Variants in PTPRD observed in about 807,000 individuals in gnomAD.
PTPRD encodes the protein receptor-type tyrosine-protein phosphatase delta.
Under a neutral mutation model 214.5 loss-of-function variants are expected in PTPRD, and 34 were observed. The ratio of observed to expected loss-of-function variants is 0.16; its 90% CI spans 0.12 to 0.21. The LOEUF (loss-of-function observed/expected upper bound fraction) is 0.21. PTPRD is among the 10% of genes least tolerant of loss of function. The pLI is 1.00. For synonymous variants in PTPRD, 1,128 were observed against 845.7 expected, an observed-to-expected ratio of 1.33 and a Z score of -5.79; for missense variants, 2,545 against 2,398.7, an observed-to-expected ratio of 1.06 and a Z score of -1.27.
chr9:8,520,142 GCTCA>G (rs1298118298), intron 20 of PTPRD, among the ~76,000 whole-genome samples: 1 of 152,090 alleles, frequency 6.6e-6, no homozygotes, highest in Non-Finnish European at 1.5e-5. Flanking sequence ...TTAAAGCTGT[GCTCA>G]CTGATATTTA....
At chr9:8,564,156 C>T (rs1356175723) in intron 14 of PTPRD, among the ~76,000 whole-genome samples, 1 of 1,144 alleles carries the variant, frequency 8.7e-4, no homozygotes, top group Non-Finnish European at 1.1e-3. Flanking sequence ...GCAACCAATA[C>T]ACTATATGTA....
chr9:9,286,613 C>T (rs932062740), intron 9 of PTPRD, among the ~76,000 whole-genome samples: 13 of 151,560 alleles, frequency 8.6e-5, no homozygotes, highest in African/African-American at 3.1e-4. Flanking sequence ...ATAAAACATG[C>T]TCTATAGAAC....
chr9:9,778,491 G>A (rs1167268139), intron 5 of PTPRD, among the ~76,000 whole-genome samples: 6 of 152,118 alleles, frequency 3.9e-5, no homozygotes, highest in East Asian at 1.9e-4. Context: ...CCCGATTCCC[G>A]GAGGCATTGT....
chr9:8,783,673 C>T (rs1197430009), intron 11 of PTPRD, among the ~76,000 whole-genome samples: 1 of 152,260 alleles, frequency 6.6e-6, no homozygotes, highest in East Asian at 1.9e-4. Context: ...GTGGCCACTG[C>T]TTTGGTTTCC....
At chr9:10,525,828 A>C (rs2054111035) in intron 2 of PTPRD, among the ~76,000 whole-genome samples, 1 of 151,542 alleles carries the variant, frequency 6.6e-6, no homozygotes, top group Admixed American at 6.6e-5. Flanking sequence ...CTCGCTTTCC[A>C]CTTTGTTTTT....
intron 9 of PTPRD, among the ~76,000 whole-genome samples, chr9:9,225,556 T>C (rs918839325): frequency 1.3e-5 from 2 of 152,066 alleles, no homozygotes; most frequent in Non-Finnish European, 2.9e-5. Flanking sequence ...CATCACCCAA[T>C]GCTATCAGTG....
At chr9:8,544,889 C>CTTTT (rs869280997) in intron 14 of PTPRD, among the ~76,000 whole-genome samples, 250 of 118,686 alleles carry the variant, frequency 2.1e-3, no homozygotes, top group Non-Finnish European at 3.5e-3. Context: ...AAAGACAGTC[C>CTTTT]TTTTTTTTTT....
intron 7 of PTPRD, among the ~76,000 whole-genome samples, chr9:9,593,136 GA>G (rs2092919496): frequency 7.7e-6 from 1 of 129,908 alleles, no homozygotes; most frequent in African/African-American, 3.1e-5. Flanking sequence ...GAAAGGAAAG[GA>G]AAGGGAAAGA....
intron 11 of PTPRD, among the ~76,000 whole-genome samples, chr9:8,774,718 G>C (rs148159129): frequency 1.3e-5 from 2 of 151,818 alleles, no homozygotes; most frequent in Non-Finnish European, 2.9e-5. Context: ...ATTTTTAGTA[G>C]AGACGGGGTT....
chr9:8,800,551 A>G (rs774377485), intron 11 of PTPRD, among the ~76,000 whole-genome samples: 1 of 152,156 alleles, frequency 6.6e-6, no homozygotes, highest in Non-Finnish European at 1.5e-5. Flanking sequence ...CACCAACACT[A>G]TGACAGTTTA....
intron 35 of PTPRD, among the ~76,000 whole-genome samples, chr9:8,414,833 T>A (rs1050365179): frequency 6.8e-6 from 1 of 148,016 alleles, no homozygotes; most frequent in Non-Finnish European, 1.5e-5. Flanking sequence ...CAGTCAGGCA[T>A]GTACATGTAC....
intron 14 of PTPRD, among the ~76,000 whole-genome samples, chr9:8,613,853 G>T (rs1417912785): frequency 6.6e-6 from 1 of 152,020 alleles, no homozygotes; most frequent in African/African-American, 2.4e-5. Context: ...CACATTCTCA[G>T]CCCAACTGTC....
At position 9,520,782 on chromosome 9, in the gene PTPRD, C is replaced by G. The variant is rs558816134; in HGVS notation, c.-237+53950G>C. On this transcript the variant is annotated intron_variant, in intron 8 of 45. Coordinates refer to ENST00000381196, the MANE Select transcript of PTPRD (RefSeq NM_002839.4). ...TTCAATGTCAGCATGGGTTACAGAA[C>G]TGTGGGATTTCATTAAAGCAGTCTA... Among the ~76,000 whole-genome samples the G allele has an allele frequency of 3.3e-5, 5 of 152,262 alleles. No individual in the cohort carries two copies. The South Asian group carries it at 1.0e-3, about 32-fold the overall frequency.
intron 3 of PTPRD, among the ~76,000 whole-genome samples, chr9:10,229,262 AACT>A (rs2099599922): frequency 1.3e-5 from 2 of 152,076 alleles, no homozygotes; most frequent in African/African-American, 4.8e-5. Flanking sequence ...CGGGACTGTA[AACT>A]AGTTCAATCA....
At chr9:9,822,971 T>C (rs2051315555) in intron 5 of PTPRD, among the ~76,000 whole-genome samples, 1 of 152,152 alleles carries the variant, frequency 6.6e-6, no homozygotes, top group Non-Finnish European at 1.5e-5. Context: ...ATTGCATTCT[T>C]ATCCAAAAGA....
intron 11 of PTPRD, among the ~76,000 whole-genome samples, chr9:8,774,778 C>A (rs1257669416): frequency 2.6e-5 from 4 of 152,046 alleles, no homozygotes; most frequent in African/African-American, 9.7e-5. Flanking sequence ...AGGTGATCCC[C>A]CCGCCTCGGC....
intron 12 of PTPRD, among the ~76,000 whole-genome samples, chr9:8,727,450 G>T (rs570137469): frequency 6.6e-6 from 1 of 152,276 alleles, no homozygotes; most frequent in East Asian, 1.9e-4. Context: ...AAAGTGAGGG[G>T]AGGAAGGAAG....
chr9:10,163,137 CTGAG>C (rs2099139356), intron 3 of PTPRD, among the ~76,000 whole-genome samples: 1 of 147,178 alleles, frequency 6.8e-6, no homozygotes, highest in Non-Finnish European at 1.5e-5. Flanking sequence ...CCTTATTCTA[CTGAG>C]TGTCATTGTT....
chr9:9,052,667 A>T (rs144052689), intron 10 of PTPRD, among the ~76,000 whole-genome samples: 103 of 152,332 alleles, frequency 6.8e-4, no homozygotes, highest in African/African-American at 2.5e-3. Context: ...TAGCGTCTCA[A>T]CAATCAAAGG....
Sources: allele counts gnomAD v4.1 joint callset (sites outside exome capture counted in the v4.1 genomes callset), GRCh38; gene constraint gnomAD v4.1.1; transcripts MANE v1.5; gene names NCBI Gene and HGNC (gene_info 2026-07-23, HGNC 2026-07-21).